The following MBNL1 variants were observed in gnomAD, a reference collection of about 807,000 sequenced individuals.
The protein encoded by MBNL1 is muscleblind-like protein 1.
MBNL1 carries 8 observed loss-of-function variants against 42.2 expected under a neutral mutation model. That is an observed-to-expected ratio of 0.19 (90% confidence interval 0.11 to 0.34). The LOEUF (loss-of-function observed/expected upper bound fraction) is 0.34. Among genes scored for constraint, MBNL1 ranks in the 10% least tolerant of loss-of-function variants. The pLI, the probability that MBNL1 is intolerant of heterozygous loss-of-function variation, is 1.00. For missense variants in MBNL1, 309 were observed against 495.3 expected, an observed-to-expected ratio of 0.62 and a Z score of 3.57; for synonymous variants, 169 against 173.9, an observed-to-expected ratio of 0.97 and a Z score of 0.22.
intron 5 of MBNL1, among the ~76,000 whole-genome samples, chr3:152,447,350 A>G (rs975608818): frequency 6.6e-6 from 1 of 152,180 alleles, no homozygotes; most frequent in East Asian, 1.9e-4. Context: ...ATTATGGGAC[A>G]TAAAGCACTT....
At chr3:152,404,229 C>A (rs1449310931) in intron 2 of MBNL1, among the ~76,000 whole-genome samples, 3 of 152,128 alleles carry the variant, frequency 2.0e-5, no homozygotes, top group African/African-American at 7.2e-5. Context: ...ATACTAATTT[C>A]TGCATGTAAA....
intron 6 of MBNL1, among the ~76,000 whole-genome samples, chr3:152,448,198 T>C (rs1426212806): frequency 6.6e-6 from 1 of 152,206 alleles, no homozygotes; most frequent in Non-Finnish European, 1.5e-5. Context: ...CTTTTTGTTT[T>C]CAAGGTCAAG....
chr3:152,425,959 A>G (rs2098923703), intron 3 of MBNL1, among the ~76,000 whole-genome samples: 1 of 152,228 alleles, frequency 6.6e-6, no homozygotes, highest in African/African-American at 2.4e-5. Context: ...AATGTCCATC[A>G]ATGATAGACT....
At chr3:152,375,176 G>A (rs1327822236) in intron 2 of MBNL1, among the ~76,000 whole-genome samples, 2 of 152,080 alleles carry the variant, frequency 1.3e-5, no homozygotes, top group African/African-American at 2.4e-5. Flanking sequence ...TTTGAGAATC[G>A]TTGTATTCTG....
intron 2 of MBNL1, among the ~76,000 whole-genome samples, chr3:152,312,366 ACT>A (rs1266926873): frequency 6.6e-6 from 1 of 151,878 alleles, no homozygotes; most frequent in Non-Finnish European, 1.5e-5. Context: ...CTTTCCTGAA[ACT>A]CTTGCCACGC....
At chr3:152,400,166 G>C (rs952681707) in intron 2 of MBNL1, among the ~76,000 whole-genome samples, 4 of 152,172 alleles carry the variant, frequency 2.6e-5, no homozygotes, top group Non-Finnish European at 5.9e-5. Flanking sequence ...AATGGTAGAC[G>C]TTGTAATTAC....
chr3:152,430,383 A>G (rs866325195), intron 3 of MBNL1, among the ~76,000 whole-genome samples: 6 of 152,230 alleles, frequency 3.9e-5, no homozygotes, highest in South Asian at 2.1e-4. Flanking sequence ...CTATCTGGAA[A>G]TACATGTTTA....
intron 1 of MBNL1, among the ~76,000 whole-genome samples, chr3:152,288,857 C>G (rs1296305125): frequency 6.6e-6 from 1 of 152,096 alleles, no homozygotes; most frequent in African/African-American, 2.4e-5. Context: ...ACTGATTTTA[C>G]AAATGTTTCC....
chr3:152,337,531 T>C (rs2091136276), intron 2 of MBNL1, among the ~76,000 whole-genome samples: 1 of 151,810 alleles, frequency 6.6e-6, no homozygotes, highest in Admixed American at 6.6e-5. Flanking sequence ...GCCAGGATAA[T>C]TGCTCAAACC....
At chr3:152,427,059 G>C (rs902038239) in intron 3 of MBNL1, among the ~76,000 whole-genome samples, 1 of 152,192 alleles carries the variant, frequency 6.6e-6, no homozygotes, top group African/African-American at 2.4e-5. Flanking sequence ...TTATCCCAGA[G>C]TGTTTCTGGT....
chr3:152,363,109 G>A (rs1421833546), intron 2 of MBNL1, among the ~76,000 whole-genome samples: 3 of 152,148 alleles, frequency 2.0e-5, no homozygotes, highest in Non-Finnish European at 4.4e-5. Flanking sequence ...AATTGCATAT[G>A]TAAGAACATC....
intron 2 of MBNL1, among the ~76,000 whole-genome samples, chr3:152,253,033 T>G: frequency 6.6e-6 from 1 of 152,152 alleles, no homozygotes; most frequent in East Asian, 1.9e-4. Flanking sequence ...ATCTCCTGTC[T>G]TTCCAGACAT....
intron 7 of MBNL1, 70 bp downstream of exon 7, chr3:152,455,647 G>A: frequency 1.4e-6 from 2 of 1,379,864 alleles, no homozygotes; most frequent in Non-Finnish European, 2.1e-6. Context: ...AAAATCCACT[G>A]CTAAGTTTAA....
At chr3:152,387,227 AT>A (rs2097478588) in intron 2 of MBNL1, among the ~76,000 whole-genome samples, 1 of 147,914 alleles carries the variant, frequency 6.8e-6, no homozygotes, top group East Asian at 2.0e-4. Flanking sequence ...TTTTTAAGCT[AT>A]TCCAGTCTGT....
intron 2 of MBNL1, among the ~76,000 whole-genome samples, chr3:152,365,589 A>AT (rs1030666145): frequency 6.6e-6 from 1 of 151,888 alleles, no homozygotes; most frequent in South Asian, 2.1e-4. Flanking sequence ...TAAGCAGTTA[A>AT]TTTTTTTTCC....
intron 3 of MBNL1, among the ~76,000 whole-genome samples, chr3:152,428,916 G>A (rs375312838): frequency 2.3e-4 from 35 of 152,132 alleles, no homozygotes; most frequent in African/African-American, 7.9e-4. Context: ...TTCCTTATCT[G>A]CAAAAATGGG....
rs936429504 is a variant in MBNL1, at chr3:152,373,343, A to G, written c.175-41598A>G. 6.2e-4 allele frequency among the ~76,000 whole-genome samples: 23 copies of G among 37,386 alleles called. No individual in the cohort carries two copies. In the East Asian group the frequency reaches 0.016, roughly 27 times the overall value. 24.5% of individuals were successfully genotyped at this position (37,386 alleles called of 152,430 possible). A position where few individuals can be genotyped will look rare whatever the true frequency, so the allele number is the denominator to read the frequency against. ...CTTCCAGGTGTCACTGGGGTATGGA[A>G]AAAAAAAAAAAAAAAAAAAAAACCT... On this transcript the variant is annotated intron_variant, in intron 2 of 9. Transcript: ENST00000324210.
intron 2 of MBNL1, among the ~76,000 whole-genome samples, chr3:152,257,780 G>A (rs2035656830): frequency 1.3e-5 from 2 of 152,120 alleles, no homozygotes; most frequent in African/African-American, 4.8e-5. Context: ...TTCCTGTGGC[G>A]ACAGCTCTGG....
intron 4 of MBNL1, among the ~76,000 whole-genome samples, chr3:152,433,538 C>T (rs2099035106): frequency 6.6e-6 from 1 of 151,916 alleles, no homozygotes; most frequent in Non-Finnish European, 1.5e-5. Flanking sequence ...ATCACGAGGA[C>T]AGGAGATCGA....
Sources: gnomAD v4.1 joint callset for allele counts (sites outside exome capture counted in the v4.1 genomes callset) on GRCh38, gnomAD v4.1.1 for gene constraint, MANE v1.5 for transcripts, NCBI Gene and HGNC (gene_info 2026-07-23, HGNC 2026-07-21) for gene names.